The following LRRC9 variants were observed in gnomAD, a reference collection of about 807,000 sequenced individuals.
LRRC9 encodes the protein leucine-rich repeat-containing protein 9.
A neutral mutation model predicts 63.2 loss-of-function variants in LRRC9; 122 were observed. The ratio of observed to expected loss-of-function variants is 1.93; its 90% CI spans 1.67 to 2.24. The LOEUF is 2.24. Among genes scored for constraint, LRRC9 ranks in the 30% most tolerant of loss-of-function variants. The probability of loss-of-function intolerance (pLI) is 0.00; values close to 1 mark genes in which losing one functional copy is unlikely to be tolerated. For missense variants in LRRC9, 1,071 were observed against 627.7 expected (o/e 1.71, Z -7.55); for synonymous variants, 366 against 213.1 (o/e 1.72, Z -6.25).
At chr14:60,057,048 C>G (rs1032077885) in intron 30 of LRRC9, among the ~76,000 whole-genome samples, 2 of 152,096 alleles carry the variant, frequency 1.3e-5, no homozygotes, top group Middle Eastern at 3.2e-3. Context: ...GTAAAAGGAC[C>G]AATACCTTAG....
intron 29 of LRRC9, among the ~76,000 whole-genome samples, chr14:60,039,493 A>G (rs1236569313): frequency 6.6e-6 from 1 of 151,956 alleles, no homozygotes; most frequent in Non-Finnish European, 1.5e-5. Context: ...TAGTCTTGGG[A>G]GGGTGTGTGT....
chr14:59,965,821 T>C (rs1280286970), intron 10 of LRRC9, among the ~76,000 whole-genome samples: 1 of 128,746 alleles, frequency 7.8e-6, no homozygotes, highest in African/African-American at 3.0e-5. Flanking sequence ...AGGCGGAGAT[T>C]GCAGTGAGTG....
rs1266658345 is a variant in LRRC9, at chr14:59,977,191, T to G, written c.1640-34T>G. 4 of 654,212 alleles carry G rather than the reference T, an allele frequency of 6.1e-6. No individual in the cohort carries two copies. In the Admixed American group the frequency reaches 1.1e-4, roughly 17 times the overall value. 40.5% of individuals were successfully genotyped at this position (654,212 alleles called of 1,614,324 possible). A position where few individuals can be genotyped will look rare whatever the true frequency, so the allele number is the denominator to read the frequency against. Reference sequence around the variant, plus strand: ...GTTGGAAAATTATTAAAGTTAATTATTCTTAAGAATTACTTCTGTTTTTTT... The same window carrying G: ...GTTGGAAAATTATTAAAGTTAATTAGTCTTAAGAATTACTTCTGTTTTTTT... On this transcript the variant is annotated intron_variant, in intron 13 of 31. Transcript: ENST00000445360.
rs761318860 is a variant in LRRC9, at chr14:59,974,672, A to T, written c.1603A>T (p.Lys535Ter). The T allele has an allele frequency of 1.5e-6, 1 of 688,236 alleles. No individual in the cohort carries two copies. The highest frequency in any genetic ancestry group is 1.5e-5 in the South Asian group (1 of 65,330). 42.6% of individuals were successfully genotyped at this position (688,236 alleles called of 1,614,324 possible). A position where few individuals can be genotyped will look rare whatever the true frequency, so the allele number is the denominator to read the frequency against. ...TTTACAGCAAAAGCACAAAGATGAG[A>T]AGAAAATCTCTCTTAAGCATGAGCT... is the stretch of plus-strand genomic sequence containing the variant. Residue 535 changes from lysine to a stop codon, truncating the protein, a stop_gained, in exon 13 of 32, where the codon AAG (lysine) becomes TAG (stop). Transcript: ENST00000445360. LOFTEE classifies it high-confidence loss of function.
chr14:59,935,895 G>A (rs2051595817), intron 6 of LRRC9, among the ~76,000 whole-genome samples: 1 of 152,180 alleles, frequency 6.6e-6, no homozygotes, highest in Admixed American at 6.6e-5. Flanking sequence ...ATTAGTTCAG[G>A]GTTCTGGGAA....
At chr14:60,063,229 C>A in intron 31 of LRRC9, 94 bp from the exon 33 acceptor site, 1 of 661,474 alleles carries the variant, frequency 1.5e-6, no homozygotes, top group Non-Finnish European at 2.7e-6. Flanking sequence ...ATCTAAAATA[C>A]AGAAATTATT....
At chr14:59,947,584 C>T (rs1384266323) in intron 8 of LRRC9, among the ~76,000 whole-genome samples, 5 of 133,750 alleles carry the variant, frequency 3.7e-5, no homozygotes, top group South Asian at 5.4e-4. Flanking sequence ...TCCTTGCCCA[C>T]GCCTATGTCC....
At position 59,936,962 on chromosome 14, in the gene LRRC9, G is replaced by T. The variant is rs1890184488; in HGVS notation, c.544-1428G>T. Reference sequence around the variant, plus strand: ...GATTCTGATTTTTCTAGCTAGCATTGCATCCTTTCAAGTTTGACCCCACCA... The same window carrying T: ...GATTCTGATTTTTCTAGCTAGCATTTCATCCTTTCAAGTTTGACCCCACCA... On this transcript the variant is annotated intron_variant, in intron 6 of 31. Transcript: ENST00000445360. The surrounding 1 kb of genome is among the most constrained non-coding windows in gnomAD (Gnocchi z 4.2). Among the ~76,000 whole-genome samples, 1 of 151,990 alleles carries T rather than the reference G, an allele frequency of 6.6e-6. No homozygotes were observed. The highest frequency in any genetic ancestry group is 6.6e-5 in the Admixed American group (1 of 15,242).
At chr14:60,000,147 A>G (rs776209890) in intron 19 of LRRC9, among the ~76,000 whole-genome samples, 19 of 152,182 alleles carry the variant, frequency 1.2e-4, no homozygotes, top group Non-Finnish European at 2.4e-4. Context: ...TCACAGCAAC[A>G]TGGATGCAGC....
chr14:60,017,345 T>C lies in LRRC9; in HGVS notation c.3317+555T>C, dbSNP rs1890775008. Among the ~76,000 whole-genome samples the C allele has an allele frequency of 6.6e-6, 1 of 152,104 alleles. No individual in the cohort carries two copies. Among genetic ancestry groups the C allele is most frequent in the South Asian group, 2.1e-4 (1 of 4,824 alleles). On this transcript the variant is annotated intron_variant, in intron 24 of 31. Coordinates refer to ENST00000445360, the Ensembl canonical transcript of LRRC9. This position sits in a 1 kb window ranked among gnomAD's most constrained non-coding sequence, Gnocchi z 4.0. ...ATCATAAGATGTTCTTTCATATTTG[T>C]TTCTCCCTTTGTTTTTCCTGTTGCA...
chr14:59,928,628 G>A (rs905078425), intron 3 of LRRC9, 142 bp downstream of exon 3: 2 of 413,330 alleles, frequency 4.8e-6, no homozygotes, highest in African/African-American at 2.1e-5. Flanking sequence ...TTGTACAAAG[G>A]AAAAAATAAA....
At chr14:59,931,025 T>C in exon 4 of LRRC9, 1 of 425,310 alleles carries the variant, frequency 2.4e-6, no homozygotes, top group South Asian at 3.5e-5. Context: ...TGAAGGTTCT[T>C]TGGCTGAACC....
intron 7 of LRRC9, among the ~76,000 whole-genome samples, chr14:59,940,518 G>A (rs536574864): frequency 6.6e-6 from 1 of 152,042 alleles, no homozygotes; most frequent in Non-Finnish European, 1.5e-5. Flanking sequence ...AAGAGTTAGT[G>A]CAAGACAGAG....
rs1566790310 is a variant in LRRC9, at chr14:59,938,954, TATAC to T, written c.726+384_726+387del. On this transcript the variant is annotated intron_variant, in intron 7 of 31. Transcript: ENST00000445360. The surrounding 1 kb of genome is among the most constrained non-coding windows in gnomAD (Gnocchi z 4.2). ...ACACATATATACATATACATACATA[TATAC>T]ACACATATATACATATATACATATA... is the stretch of plus-strand genomic sequence containing the variant. 1.4e-5 allele frequency among the ~76,000 whole-genome samples: 2 copies of T among 139,480 alleles called. No homozygotes were observed. The highest frequency in any genetic ancestry group is 2.1e-4 in the East Asian group (1 of 4,850). 91.5% of individuals were successfully genotyped at this position (139,480 alleles called of 152,430 possible).
At chr14:59,945,463 GA>G (rs201448953) in intron 8 of LRRC9, among the ~76,000 whole-genome samples, 129 of 150,764 alleles carry the variant, frequency 8.6e-4, no homozygotes, top group Non-Finnish European at 1.5e-3. Context: ...ATACCAGTAG[GA>G]AAAAAAAGAA....
At chr14:60,065,573 G>A (rs562514007), downstream of LRRC9, among the ~76,000 whole-genome samples, 140 of 141,832 alleles carry the variant, frequency 9.9e-4, no homozygotes, top group Non-Finnish European at 1.8e-3. Context: ...GCTTGAACCA[G>A]GGAGGCAGAG....
exon 31 of LRRC9, chr14:60,057,951 C>A: frequency 1.4e-6 from 1 of 691,706 alleles, no homozygotes; most frequent in Non-Finnish European, 2.7e-6. Flanking sequence ...ATAGAGATAA[C>A]AAATGTACTT....
In LRRC9 at chr14:60,003,404, T is replaced by C. The variant is rs892016592; in HGVS notation, c.2665-217T>C. Reference sequence around the variant, plus strand: ...GTAATGGGACTCTAGCACATCGCAGTGTCCTTAATACCATATAAGTCCTTC... The same window carrying C: ...GTAATGGGACTCTAGCACATCGCAGCGTCCTTAATACCATATAAGTCCTTC... On this transcript the variant is annotated intron_variant, in intron 20 of 31. Transcript: ENST00000445360. The surrounding 1 kb of genome is among the most constrained non-coding windows in gnomAD (Gnocchi z 4.2). Among the ~76,000 whole-genome samples, 16 of 152,244 alleles carry C rather than the reference T, an allele frequency of 1.1e-4. No individual in the cohort carries two copies. Among genetic ancestry groups the C allele is most frequent in the African/African-American group, 3.9e-4 (16 of 41,466 alleles).
In LRRC9 at chr14:59,960,989, TGAG is replaced by T. The variant is rs745790168; in HGVS notation, c.1156_1158del (p.Glu386del). ...GCTTATTGATCCCACTTTTGTTAAT[TGAG>T]TTAGAGACTGTGGGAAATTTCCATT... On this transcript the variant is annotated inframe_deletion, in exon 10 of 32. Transcript: ENST00000445360. 2.8e-4 allele frequency: 196 copies of T among 697,274 alleles called. 2 individuals are homozygous for T. Among genetic ancestry groups the T allele is most frequent in the African/African-American group, 2.7e-3 (155 of 57,180 alleles). 43.2% of individuals were successfully genotyped at this position (697,274 alleles called of 1,614,324 possible).
Sources: gnomAD v4.1 joint callset for allele counts (sites outside exome capture counted in the v4.1 genomes callset) on GRCh38, gnomAD v4.1.1 for gene constraint, Gnocchi (gnomAD v3.1) non-coding constraint, MANE v1.5 for transcripts, NCBI Gene and HGNC (gene_info 2026-07-23, HGNC 2026-07-21) for gene names.